Variants in PAK5 observed in about 807,000 individuals in gnomAD.
The protein encoded by PAK5 is p21 (RAC1) activated kinase 5.
In PAK5, 16 loss-of-function variants were observed where a neutral mutation model predicts 65.9. That is an observed-to-expected ratio of 0.24 (90% CI 0.16 to 0.37). PAK5 has a LOEUF of 0.37. Among genes scored for constraint, PAK5 ranks in the 10% least tolerant of loss-of-function variants. PAK5 has a pLI of 1.00. For synonymous variants in PAK5, 371 were observed against 354.9 expected, an observed-to-expected ratio of 1.05 and a Z score of -0.51; for missense variants, 785 against 903.9, an observed-to-expected ratio of 0.87 and a Z score of 1.69.
At chr20:9,661,577 TC>T (rs1214621070) in intron 2 of PAK5, among the ~76,000 whole-genome samples, 1 of 152,160 alleles carries the variant, frequency 6.6e-6, no homozygotes, top group African/African-American at 2.4e-5. Flanking sequence ...CCCCTTTCTA[TC>T]ATTTATTGCC....
intron 2 of PAK5, among the ~76,000 whole-genome samples, chr20:9,645,581 T>C (rs1277942956): frequency 1.3e-5 from 2 of 152,066 alleles, no homozygotes; most frequent in African/African-American, 4.8e-5. Context: ...CATATATTCC[T>C]ACACTTCTTT....
intron 1 of PAK5, among the ~76,000 whole-genome samples, chr20:9,763,962 C>A (rs906991982): frequency 1.3e-5 from 2 of 152,148 alleles, no homozygotes; most frequent in Admixed American, 6.6e-5. Context: ...CACTAATCAA[C>A]ACATTTCTCA....
At chr20:9,543,310 A>T (rs1031782675) in intron 8 of PAK5, among the ~76,000 whole-genome samples, 3 of 152,180 alleles carry the variant, frequency 2.0e-5, no homozygotes, top group African/African-American at 7.2e-5. Context: ...AAAGGAAGAG[A>T]TGACAAGCAA....
intron 3 of PAK5, among the ~76,000 whole-genome samples, chr20:9,609,406 C>T (rs1413025435): frequency 2.0e-5 from 3 of 152,160 alleles, no homozygotes; most frequent in Admixed American, 6.5e-5. Flanking sequence ...GCATAGGTGC[C>T]CACATATCCA....
rs112271194 is a variant in PAK5 at position 9,622,440 on chromosome 20, C to T, written c.204+21685G>A. On this transcript the variant is annotated intron_variant, in intron 3 of 9. Transcript: ENST00000353224. ...ATTTACATGATCACAGAAAGTTCTA[C>T]GGAATAGTGCTAATCTAGACATTGA... 5.2e-3 allele frequency among the ~76,000 whole-genome samples: 796 copies of T among 152,216 alleles called. 7 individuals are homozygous for T. Among genetic ancestry groups the T allele is most frequent in the African/African-American group, 0.018 (744 of 41,526 alleles).
intron 2 of PAK5, among the ~76,000 whole-genome samples, chr20:9,671,906 G>T (rs1173490742): frequency 2.0e-5 from 3 of 152,056 alleles, no homozygotes; most frequent in Admixed American, 2.0e-4. Flanking sequence ...AGGTACCCCT[G>T]ACTTTAAAAT....
At chr20:9,824,582 G>T (rs911198744) in intron 1 of PAK5, among the ~76,000 whole-genome samples, 2 of 152,080 alleles carry the variant, frequency 1.3e-5, no homozygotes, top group Non-Finnish European at 2.9e-5. Flanking sequence ...CTGCAAAAAT[G>T]GTCCCCATCC....
At chr20:9,544,612 G>T in intron 7 of PAK5, 118 bp from the exon 8 acceptor site, 1 of 901,594 alleles carries the variant, frequency 1.1e-6, no homozygotes, top group Non-Finnish European at 1.8e-6. Flanking sequence ...ACAGGCCTTG[G>T]ACATATCAGA....
chr20:9,690,134 G>A (rs1036724439), intron 2 of PAK5, among the ~76,000 whole-genome samples: 8 of 152,154 alleles, frequency 5.3e-5, no homozygotes, highest in South Asian at 2.1e-4. Context: ...ACTGTCAGCC[G>A]AACTGTCCCT....
intron 1 of PAK5, among the ~76,000 whole-genome samples, chr20:9,780,833 T>C (rs1198609557): frequency 1.3e-5 from 2 of 152,136 alleles, no homozygotes; most frequent in Non-Finnish European, 2.9e-5. Context: ...ATTCATGTCA[T>C]AAACTTCAAA....
chr20:9,580,364 C>A lies in PAK5; in HGVS notation c.771G>T (p.Trp257Cys). The change falls in exon 4 of 10, where the codon TGG becomes TGT. Residue 257 changes from tryptophan (W) to cysteine (C), a missense_variant. Physicochemically the swap from Trp to Cys is radical, Grantham distance 215. This residue lies in a region of PAK5 where 422 missense variants were observed against 413.3 expected (regional missense o/e 1.02). Transcript: ENST00000353224. ...TGTCATAGTCATCCAGGCTGGGTCC[C>A]CATTCACTTTCACTGTACGCCAGGC... Reference protein sequence around the residue: ...KESLAYSESEWGPSLDDYDRR... With the variant: ...KESLAYSESECGPSLDDYDRR... 1 of 1,614,052 alleles carries A rather than the reference C, an allele frequency of 6.2e-7. No homozygotes were observed. The highest frequency in any genetic ancestry group is 8.5e-7 in the Non-Finnish European group (1 of 1,180,006).
intron 3 of PAK5, among the ~76,000 whole-genome samples, chr20:9,613,202 A>G (rs1036877968): frequency 4.6e-5 from 7 of 152,270 alleles, no homozygotes; most frequent in Non-Finnish European, 8.8e-5. Flanking sequence ...TTGCCATGCC[A>G]TCCTAACAAT....
chr20:9,764,448 T>C (rs2048733740), intron 1 of PAK5, among the ~76,000 whole-genome samples: 1 of 152,178 alleles, frequency 6.6e-6, no homozygotes, highest in South Asian at 2.1e-4. Flanking sequence ...ATTTTAATGC[T>C]ACCTTTTCCC....
chr20:9,554,852 T>C (rs1467025492), intron 7 of PAK5, among the ~76,000 whole-genome samples: 1 of 152,162 alleles, frequency 6.6e-6, no homozygotes, highest in Non-Finnish European at 1.5e-5. Flanking sequence ...AATATGCTCT[T>C]GCTTCCTCTG....
chr20:9,629,860 C>G (rs1250814375), intron 3 of PAK5, among the ~76,000 whole-genome samples: 1 of 152,030 alleles, frequency 6.6e-6, no homozygotes, highest in Non-Finnish European at 1.5e-5. Context: ...GTAGAAAAAG[C>G]CTAAATGACA....
chr20:9,702,635 T>C (rs1177844447), intron 2 of PAK5, among the ~76,000 whole-genome samples: 1 of 152,156 alleles, frequency 6.6e-6, no homozygotes, highest in Non-Finnish European at 1.5e-5. Flanking sequence ...TATTCCATGG[T>C]TTATAACCCT....
intron 2 of PAK5, among the ~76,000 whole-genome samples, chr20:9,667,542 A>C (rs2047436925): frequency 6.6e-6 from 1 of 152,152 alleles, no homozygotes; most frequent in Non-Finnish European, 1.5e-5. Context: ...AGGTCTACAT[A>C]TGTGAAGCTA....
intron 2 of PAK5, among the ~76,000 whole-genome samples, chr20:9,701,546 C>G (rs2047939857): frequency 6.6e-6 from 1 of 152,110 alleles, no homozygotes; most frequent in Admixed American, 6.5e-5. Flanking sequence ...AAACTCAATG[C>G]CATTATAATT....
chr20:9,719,185 C>T (rs904803386), intron 1 of PAK5, among the ~76,000 whole-genome samples: 1 of 152,168 alleles, frequency 6.6e-6, no homozygotes, highest in African/African-American at 2.4e-5. Flanking sequence ...AACCCACTCA[C>T]AAATGGATTT....
Sources: gnomAD v4.1 joint callset for allele counts (sites outside exome capture counted in the v4.1 genomes callset) on GRCh38, gnomAD v4.1.1 for gene constraint, gnomAD v4.1.1 regional missense constraint, MANE v1.5 for transcripts, NCBI Gene and HGNC (gene_info 2026-07-23, HGNC 2026-07-21) for gene names.